The following PIEZO1 variants were observed in gnomAD, a reference collection of about 807,000 sequenced individuals.
The protein encoded by PIEZO1 is piezo type mechanosensitive ion channel component 1 (Er blood group).
Under a neutral mutation model 297.2 loss-of-function variants are expected in PIEZO1, and 296 were observed. The ratio of observed to expected loss-of-function variants is 1.00; its 90% confidence interval spans 0.91 to 1.10. PIEZO1 has a LOEUF of 1.10. Ranked by LOEUF, PIEZO1 falls within the 50% of genes least tolerant of loss-of-function variation. PIEZO1 has a pLI of 0.00. For missense variants in PIEZO1, 5,018 were observed against 3,455.5 expected, an observed-to-expected ratio of 1.45 and a Z score of -11.34; for synonymous variants, 2,427 against 1,507.5, an observed-to-expected ratio of 1.61 and a Z score of -14.13.
At chr16:88,778,376 T>C (rs1907767810) in intron 1 of PIEZO1, among the ~76,000 whole-genome samples, 1 of 152,178 alleles carries the variant, frequency 6.6e-6, no homozygotes, top group African/African-American at 2.4e-5. Context: ...CAGCTATATA[T>C]ACCCACAGAA....
Position 88,777,129 on chromosome 16 carries a change from T to C in PIEZO1, c.64+7772A>G, listed in dbSNP as rs1434621381. Among the ~76,000 whole-genome samples the C allele has an allele frequency of 2.6e-5, 4 of 152,346 alleles. No homozygotes were observed. The East Asian group carries it at 5.8e-4, about 22-fold the overall frequency. On this transcript the variant is annotated intron_variant, in intron 1 of 50. Transcript: ENST00000301015. ...CTAGGATTACAGATGCCTGTCACCA[T>C]ACCCAGCTAATTTTTGTATTTTCAG...
chr16:88,744,531 G>C (rs1905912056), intron 2 of PIEZO1, among the ~76,000 whole-genome samples: 2 of 151,488 alleles, frequency 1.3e-5, no homozygotes, highest in Non-Finnish European at 2.9e-5. Context: ...GAGACCCCTG[G>C]GCAGGGAGGG....
At position 88,716,664 on chromosome 16, in the gene PIEZO1, G is replaced by C; in HGVS notation, c.6821C>G (p.Ser2274Cys). Residue 2274 changes from serine (S) to cysteine (C), a missense_variant, in exon 47 of 51, where the codon TCC becomes TGC. By Grantham distance (112) the Ser-to-Cys change is moderately radical (BLOSUM62 -1). Transcript: ENST00000301015. ...GGGACTGATGCGCCACAGCGCCCCGGAGCTGCCCTCAATCTGCGCCGTGAC... is the reference window on the plus strand; with the variant it reads ...GGGACTGATGCGCCACAGCGCCCCGCAGCTGCCCTCAATCTGCGCCGTGAC... ...DIVTAQIEGS[S>C]GALWRISPPS... is the part of the protein sequence containing the mutation. 6.5e-7 allele frequency: 1 copy of C among 1,549,290 alleles called. No individual in the cohort carries two copies. The highest frequency in any genetic ancestry group is 8.7e-7 in the Non-Finnish European group (1 of 1,146,908).
chr16:88,725,339 C>G lies in PIEZO1; in HGVS notation c.4162+77G>C, dbSNP rs566601493. ...GGAGCCCTGTGGGACGTCACATGGG[C>G]ACAGACGCAGCACACGCCAGCAGGC... On this transcript the variant is annotated intron_variant, in intron 29 of 50. Coordinates refer to ENST00000301015, the MANE Select transcript of PIEZO1 (RefSeq NM_001142864.4). 4.3e-6 allele frequency: 4 copies of G among 932,154 alleles called. No individual in the cohort carries two copies. In the South Asian group the frequency reaches 7.0e-5, roughly 16 times the overall value. 57.7% of individuals were successfully genotyped at this position (932,154 alleles called of 1,614,324 possible).
chr16:88,726,373 G>A lies in PIEZO1; in HGVS notation c.3879C>T (p.Phe1293=), dbSNP rs1000725642. The A allele has an allele frequency of 2.6e-6, 4 of 1,550,452 alleles. No individual in the cohort carries two copies. The highest frequency in any genetic ancestry group is 1.7e-4 in the Middle Eastern group (1 of 5,988). ...AGIIWDSVCF[F]FLLLQRRVFL... is the part of the protein sequence containing the mutation. ...AGACGCGGCGCTGCAGCAGCAGGAA[G>A]AAGAAGCAGACGCTGTCCCAGATGA... The change falls in exon 27 of 51, where the codon TTC becomes TTT. Residue 1293 remains phenylalanine, a synonymous_variant. Coordinates refer to ENST00000301015, the MANE Select transcript of PIEZO1 (RefSeq NM_001142864.4).
chr16:88,748,994 T>G (rs1036281014), intron 2 of PIEZO1, among the ~76,000 whole-genome samples: 10 of 146,772 alleles, frequency 6.8e-5, no homozygotes, highest in African/African-American at 1.8e-4. Flanking sequence ...TCCCAGCACT[T>G]TGGGAGGCCG....
intron 50 of PIEZO1, 36 bp downstream of exon 50, chr16:88,715,897 C>G (rs1213035788): frequency 6.5e-7 from 1 of 1,538,624 alleles, no homozygotes; most frequent in Admixed American, 2.0e-5. Flanking sequence ...CCGGAGCCCC[C>G]CGAGCTGCGG....
chr16:88,746,633 G>A (rs549817493), intron 2 of PIEZO1, among the ~76,000 whole-genome samples: 4 of 152,074 alleles, frequency 2.6e-5, no homozygotes, highest in African/African-American at 4.8e-5. Context: ...CACTCGGCTC[G>A]GGCAAGCCTC....
In PIEZO1 at chr16:88,738,389, G is replaced by A. The variant is rs1473226642; in HGVS notation, c.686C>T (p.Ala229Val). The A allele has an allele frequency of 2.6e-6, 4 of 1,535,844 alleles. No individual in the cohort carries two copies. The highest frequency in any genetic ancestry group is 3.5e-6 in the Non-Finnish European group (4 of 1,146,852). ...GTGGCAGGCCCACCAGGTGCAGAGG[G>A]CCAGGAAGAGCAGCAGGTAGACACT... ...LSSVYLLLFL[A>V]LCTWWACHFP... The change falls in exon 7 of 51, where the codon GCC (alanine) becomes GTC (valine). Residue 229 changes from alanine (A) to valine (V), a missense_variant. Ala to Val is a moderately conservative substitution (Grantham distance 64). Transcript: ENST00000301015.
Position 88,734,039 on chromosome 16 carries a change from A to G in PIEZO1, c.2196T>C (p.Ser732=). The G allele has an allele frequency of 1.3e-6, 2 of 1,530,138 alleles. No individual in the cohort carries two copies. The highest frequency in any genetic ancestry group is 2.1e-5 in the Admixed American group (1 of 48,038). The allele number at this position is 1,530,138 out of a possible 1,614,324, so 94.8% of individuals were successfully genotyped here. Residue 732 remains serine (S), a synonymous_variant, in exon 17 of 51, where the codon AGT becomes AGC. Coordinates refer to ENST00000301015, the MANE Select transcript of PIEZO1 (RefSeq NM_001142864.4). ...GCTCCTCCCGCAGCAGTGGGGTCCC[A>G]CTCACTGCATCCTGCCTGGGAGAGG... ...PRWAHRQDAV[S]GTPLLREEQQ... is the part of the protein sequence containing the mutation.
intron 44 of PIEZO1, 50 bp downstream of exon 44, chr16:88,719,524 G>C: frequency 6.7e-7 from 1 of 1,494,748 alleles, no homozygotes; most frequent in Non-Finnish European, 9.1e-7. Flanking sequence ...GTCTTAGGGA[G>C]AGGGCATATC....
In PIEZO1 at chr16:88,734,889, G is replaced by C. The variant is rs1341606277; in HGVS notation, c.1834C>G (p.Leu612Val). Reference sequence around the variant, plus strand: ...CCCCCAGCCACCTGGAAGAGGGTGAGGCAGAGCAGGAAGAGGAACATGTAG... The same window carrying C: ...CCCCCAGCCACCTGGAAGAGGGTGACGCAGAGCAGGAAGAGGAACATGTAG... ...IVYMFLFLLC[L>V]TLFQVYYSLW... is the part of the protein sequence containing the mutation. Residue 612 changes from leucine to valine, a missense_variant, in exon 14 of 51, where the codon CTC (leucine) becomes GTC (valine). Physicochemically the swap from Leu to Val is conservative, Grantham distance 32. Coordinates refer to ENST00000301015, the MANE Select transcript of PIEZO1 (RefSeq NM_001142864.4). The C allele has an allele frequency of 2.6e-6, 4 of 1,550,380 alleles. No individual in the cohort carries two copies. In the East Asian group the frequency reaches 7.3e-5, roughly 28 times the overall value.
chr16:88,747,341 C>T (rs1906115498), intron 2 of PIEZO1, among the ~76,000 whole-genome samples: 1 of 152,030 alleles, frequency 6.6e-6, no homozygotes, highest in African/African-American at 2.4e-5. Flanking sequence ...CATGGTAAAA[C>T]CCCTGTCTCT....
In PIEZO1 at chr16:88,732,615, A is replaced by C; in HGVS notation, c.2782T>G (p.Tyr928Asp). Residue 928 changes from tyrosine (Y) to aspartate (D), a missense_variant, in exon 20 of 51, where the codon TAC becomes GAC. Coordinates refer to ENST00000301015, the MANE Select transcript of PIEZO1 (RefSeq NM_001142864.4). ...CCAGCCCTTCAACTCACCTGGATGT[A>C]GCCCAGGTTGGGGAACCCTTTCCGC... ...GVRKGFPNLG[Y>D]IQNHLQVLLL... 1 of 1,549,104 alleles carries C rather than the reference A, an allele frequency of 6.5e-7. No individual in the cohort carries two copies. The highest frequency in any genetic ancestry group is 8.7e-7 in the Non-Finnish European group (1 of 1,146,152).
At position 88,741,591 on chromosome 16, in the gene PIEZO1, C is replaced by T. The variant is rs752004128; in HGVS notation, c.352G>A (p.Ala118Thr). 4.3e-5 allele frequency: 66 copies of T among 1,535,174 alleles called. No homozygotes were observed. The highest frequency in any genetic ancestry group is 3.0e-4 in the South Asian group (25 of 84,020). ...TRLDLKDIPN[A>T]IRLVAPDLGI... ...AGGTCAGGGGCCACCAGCCGGATGG[C>T]GTTGGGGATGTCCTTCAGGTCCAGC... Residue 118 changes from alanine (A) to threonine (T), a missense_variant, in exon 5 of 51, where the codon GCC (alanine) becomes ACC (threonine). Transcript: ENST00000301015.
In PIEZO1 at chr16:88,715,507, G is replaced by C. The variant is rs538142617; in HGVS notation, c.*98C>G. 1 of 1,283,198 alleles carries C rather than the reference G, an allele frequency of 7.8e-7. No homozygotes were observed. The highest frequency in any genetic ancestry group is 2.5e-5 in the East Asian group (1 of 39,558). The allele number at this position is 1,283,198 out of a possible 1,614,324, so 79.5% of individuals were successfully genotyped here. A position where few individuals can be genotyped will look rare whatever the true frequency, so the allele number is the denominator to read the frequency against. Reference sequence around the variant, plus strand: ...GGATGCATCACAGCTGGCGGCCTTGGACGGGGCAGTGGCTCCCCCGGCCTG... The same window carrying C: ...GGATGCATCACAGCTGGCGGCCTTGCACGGGGCAGTGGCTCCCCCGGCCTG... On this transcript the variant is annotated 3_prime_UTR_variant, in exon 51 of 51. Coordinates refer to ENST00000301015, the MANE Select transcript of PIEZO1 (RefSeq NM_001142864.4).
In PIEZO1 at chr16:88,722,574, C is replaced by T. The variant is rs758431569; in HGVS notation, c.4775+9G>A. On this transcript the variant is annotated intron_variant, in intron 35 of 50. Coordinates refer to ENST00000301015, the MANE Select transcript of PIEZO1 (RefSeq NM_001142864.4). Reference sequence around the variant, plus strand: ...CAGCAGCTGGGGCTCGGGTCACCCCCGCACCTACCTGGACACGGTGCTTGG... The same window carrying T: ...CAGCAGCTGGGGCTCGGGTCACCCCTGCACCTACCTGGACACGGTGCTTGG... 96 of 1,518,602 alleles carry T rather than the reference C, an allele frequency of 6.3e-5. No homozygotes were observed. The South Asian group carries it at 9.7e-4, about 15-fold the overall frequency. The allele number at this position is 1,518,602 out of a possible 1,614,324, so 94.1% of individuals were successfully genotyped here. A position where few individuals can be genotyped will look rare whatever the true frequency, so the allele number is the denominator to read the frequency against.
At chr16:88,771,321 T>C (rs1907415399) in intron 1 of PIEZO1, among the ~76,000 whole-genome samples, 1 of 152,056 alleles carries the variant, frequency 6.6e-6, no homozygotes, top group Non-Finnish European at 1.5e-5. Flanking sequence ...ACCGGCCCAA[T>C]GGTGCTCAGC....
chr16:88,744,596 G>A (rs1421124721), intron 2 of PIEZO1, among the ~76,000 whole-genome samples: 1 of 150,700 alleles, frequency 6.6e-6, no homozygotes, highest in African/African-American at 2.4e-5. Context: ...GACAGTCCAG[G>A]ATGTCCGTCT....
Sources: gnomAD v4.1 joint callset for allele counts (sites outside exome capture counted in the v4.1 genomes callset) on GRCh38, gnomAD v4.1.1 for gene constraint, MANE v1.5 for transcripts, NCBI Gene and HGNC (gene_info 2026-07-23, HGNC 2026-07-21) for gene names.